Variants in VWA3B observed in about 807,000 individuals in gnomAD.
The protein encoded by VWA3B is von Willebrand factor A domain-containing protein 3B.
In VWA3B, 138 loss-of-function variants were observed where a neutral mutation model predicts 158.3. The observed-to-expected ratio is 0.87, with a 90% CI of 0.76 to 1.00. The LOEUF (loss-of-function observed/expected upper bound fraction) is 1.00, where lower values mean the gene tolerates loss of function less well. Ranked by LOEUF, VWA3B falls within the 50% of genes least tolerant of loss-of-function variation. The pLI, the probability that VWA3B is intolerant of heterozygous loss-of-function variation, is 0.00. For synonymous variants in VWA3B, 596 were observed against 587.3 expected (o/e 1.01, Z -0.21); for missense variants, 1,555 against 1,565.1 (o/e 0.99, Z 0.11).
rs565569856 is a variant in VWA3B, at chr2:98,153,964, C to CGA, written c.989-8886_989-8885dup. 2.0e-5 allele frequency among the ~76,000 whole-genome samples: 3 copies of CGA among 152,212 alleles called. No individual in the cohort carries two copies. In the South Asian group the frequency reaches 6.2e-4, roughly 32 times the overall value. ...GCAACCTCTGCTTCCAGGGCTCAAG[C>CGA]GATTCTCCTGCCTCAGCCTCCGGAG... is the stretch of plus-strand genomic sequence containing the variant. On this transcript the variant is annotated intron_variant, in intron 7 of 27. Transcript: ENST00000477737.
chr2:98,138,904 A>C (rs1482088453), intron 7 of VWA3B, among the ~76,000 whole-genome samples: 3 of 152,150 alleles, frequency 2.0e-5, no homozygotes. Context: ...CTTTGGCGGC[A>C]CTTGAGGAGT....
chr2:98,300,556 C>T lies in VWA3B; in HGVS notation c.3420+340C>T, dbSNP rs572948076. ...CGTCCTCATCCTCCTCCTCCTCCTC[C>T]GCCTCCTCAGACTGCCCCTGCTTTG... On this transcript the variant is annotated intron_variant, in intron 25 of 27. Transcript: ENST00000477737. 3.9e-5 allele frequency among the ~76,000 whole-genome samples: 6 copies of T among 152,266 alleles called. No homozygotes were observed. In the East Asian group the frequency reaches 5.8e-4, roughly 15 times the overall value.
At chr2:98,292,101 A>AC (rs1036791424) in intron 23 of VWA3B, 2 of 151,382 alleles carry the variant, frequency 1.3e-5, no homozygotes, top group African/African-American at 4.9e-5. Flanking sequence ...AAAAAAAAAA[A>AC]AAAATTAACC....
intron 8 of VWA3B, among the ~76,000 whole-genome samples, chr2:98,174,951 C>T (rs1427811504): frequency 6.6e-6 from 1 of 152,210 alleles, no homozygotes; most frequent in East Asian, 1.9e-4. Context: ...TGAGCAGAGA[C>T]TCCAGTGGCT....
intron 2 of VWA3B, among the ~76,000 whole-genome samples, chr2:98,109,977 G>A (rs1342112830): frequency 1.3e-5 from 2 of 151,350 alleles, no homozygotes; most frequent in African/African-American, 4.8e-5. Flanking sequence ...GAATTTATTT[G>A]CATTTATTAT....
Position 98,097,691 on chromosome 2 carries a change from A to G in VWA3B, c.196+4403A>G, listed in dbSNP as rs150621550. Among the ~76,000 whole-genome samples, 37 of 152,304 alleles carry G rather than the reference A, an allele frequency of 2.4e-4. 1 individual carries two copies. The East Asian group carries it at 7.1e-3, about 29-fold the overall frequency. On this transcript the variant is annotated intron_variant, in intron 2 of 27. Coordinates refer to ENST00000477737, the MANE Select transcript of VWA3B (RefSeq NM_144992.5). The stretch of plus-strand genomic sequence containing the variant: ...TTAAGAAATCTCCATACTGTTTTCC[A>G]TAGAGGTTGTACTAATTTGCATTCC...
At chr2:98,248,889 T>TCTTTCTTTCTC in intron 19 of VWA3B, among the ~76,000 whole-genome samples, 1 of 130,046 alleles carries the variant, frequency 7.7e-6, no homozygotes, top group South Asian at 2.4e-4. Context: ...CTTTCTCTCT[T>TCTTTCTTTCTC]TCCTTTCTTT....
chr2:98,130,702 G>T (rs372055430), intron 6 of VWA3B, among the ~76,000 whole-genome samples: 3 of 152,184 alleles, frequency 2.0e-5, no homozygotes, highest in East Asian at 1.9e-4. Flanking sequence ...CACAGGGTTG[G>T]GGGTAGCGTT....
intron 1 of VWA3B, among the ~76,000 whole-genome samples, chr2:98,092,502 G>A (rs1395384876): frequency 6.6e-6 from 1 of 152,042 alleles, no homozygotes; most frequent in Non-Finnish European, 1.5e-5. Flanking sequence ...AATTAGCTGG[G>A]CATGGTGGCA....
chr2:98,104,507 G>C (rs1486573196), intron 2 of VWA3B, among the ~76,000 whole-genome samples: 1 of 152,156 alleles, frequency 6.6e-6, no homozygotes, highest in Non-Finnish European at 1.5e-5. Context: ...ATGTCACCAA[G>C]CCATTCATGA....
intron 7 of VWA3B, among the ~76,000 whole-genome samples, chr2:98,136,393 A>T (rs1299827868): frequency 6.6e-6 from 1 of 152,126 alleles, no homozygotes; most frequent in Non-Finnish European, 1.5e-5. Flanking sequence ...ATGTCTGTTC[A>T]TGCTGCTATA....
chr2:98,171,026 C>A (rs144617239), intron 8 of VWA3B, among the ~76,000 whole-genome samples: 1 of 152,190 alleles, frequency 6.6e-6, no homozygotes, highest in Non-Finnish European at 1.5e-5. Context: ...ACCTACTCCA[C>A]GGACTGTTAG....
chr2:98,322,111 T>C, the VWA3B span, among the ~76,000 whole-genome samples: 1 of 152,226 alleles, frequency 6.6e-6, no homozygotes, highest in African/African-American at 2.4e-5. Context: ...TCCCCAGCCA[T>C]GTGGAACTGT....
intron 2 of VWA3B, among the ~76,000 whole-genome samples, chr2:98,093,763 G>GTA (rs1682521962): frequency 6.6e-6 from 1 of 151,958 alleles, no homozygotes; most frequent in Non-Finnish European, 1.5e-5. Flanking sequence ...AATTGTAGTG[G>GTA]TATATCCTTT....
rs779312070 is a variant in VWA3B, at chr2:98,312,360, T to G, written c.*11T>G. 17 of 1,601,224 alleles carry G rather than the reference T, an allele frequency of 1.1e-5. No homozygotes were observed. The African/African-American group carries it at 2.3e-4, about 21-fold the overall frequency. On this transcript the variant is annotated 3_prime_UTR_variant, in exon 28 of 28. Transcript: ENST00000477737. ...CCTGAGACACTTTAAGGCCGTCTGG[T>G]GGCAGCTATGTTTAAGAGACCAGCG... is the stretch of plus-strand genomic sequence containing the variant.
the VWA3B span, among the ~76,000 whole-genome samples, chr2:98,327,742 A>T: frequency 1.4e-4 from 21 of 152,236 alleles, no homozygotes; most frequent in Non-Finnish European, 2.9e-4. Flanking sequence ...CTTCTGTACT[A>T]GATGAGACCT....
rs142526911 is a variant in VWA3B, at chr2:98,211,098, G to C, written c.1738-832G>C. On this transcript the variant is annotated intron_variant, in intron 12 of 27. Coordinates refer to ENST00000477737, the MANE Select transcript of VWA3B (RefSeq NM_144992.5). ...CAGCAGGATTGGGGGTCTCGTTCCT[G>C]ATGAGAGGTCCCAACCCAGGTTATC... is the stretch of plus-strand genomic sequence containing the variant. Among the ~76,000 whole-genome samples, 486 of 152,362 alleles carry C rather than the reference G, an allele frequency of 3.2e-3. 2 individuals carry two copies. Among genetic ancestry groups the C allele is most frequent in the African/African-American group, 0.011 (454 of 41,598 alleles).
intron 7 of VWA3B, among the ~76,000 whole-genome samples, chr2:98,153,013 A>G (rs1313589695): frequency 6.6e-6 from 1 of 152,238 alleles, no homozygotes; most frequent in African/African-American, 2.4e-5. Flanking sequence ...GCGTTGGACG[A>G]CATGGCATAC....
At chr2:98,195,558 A>C (rs1681971456) in intron 12 of VWA3B, among the ~76,000 whole-genome samples, 1 of 152,168 alleles carries the variant, frequency 6.6e-6, no homozygotes, top group Non-Finnish European at 1.5e-5. Context: ...TTAACCAATG[A>C]AGTTACTTGT....
Sources: allele counts gnomAD v4.1 joint callset (sites outside exome capture counted in the v4.1 genomes callset), GRCh38; gene constraint gnomAD v4.1.1; transcripts MANE v1.5; gene names NCBI Gene and HGNC (gene_info 2026-07-23, HGNC 2026-07-21).